RCAN2: variants seen among roughly 807,000 people sequenced by gnomAD.
RCAN2 encodes regulator of calcineurin 2.
In RCAN2, 9 loss-of-function variants were observed where a neutral mutation model predicts 23.6. That is an observed-to-expected ratio of 0.38 (90% CI 0.23 to 0.67). The LOEUF is 0.67. Ranked by LOEUF, RCAN2 falls within the 30% of genes least tolerant of loss-of-function variation. The pLI is 0.51. For synonymous variants in RCAN2, 109 were observed against 115.7 expected, an observed-to-expected ratio of 0.94 and a Z score of 0.37; for missense variants, 273 against 302.3, an observed-to-expected ratio of 0.90 and a Z score of 0.72.
intron 2 of RCAN2, among the ~76,000 whole-genome samples, chr6:46,342,293 G>A (rs1764345921): frequency 6.6e-6 from 1 of 152,116 alleles, no homozygotes; most frequent in Non-Finnish European, 1.5e-5. Flanking sequence ...GCATTTGGCT[G>A]GAGTTTTCTT....
At chr6:46,227,265 C>A (rs966077249) in intron 4 of RCAN2, among the ~76,000 whole-genome samples, 4 of 152,166 alleles carry the variant, frequency 2.6e-5, no homozygotes, top group African/African-American at 7.2e-5. Flanking sequence ...CGTTGTGTCT[C>A]TGCCAGGCTT....
intron 4 of RCAN2, among the ~76,000 whole-genome samples, chr6:46,239,845 T>A (rs1474542161): frequency 3.3e-5 from 5 of 152,168 alleles, no homozygotes; most frequent in Non-Finnish European, 7.4e-5. Context: ...AGATTTATCT[T>A]CAACCCTTCC....
intron 1 of RCAN2, among the ~76,000 whole-genome samples, chr6:46,471,513 A>G (rs1164030510): frequency 1.3e-5 from 2 of 152,220 alleles, no homozygotes; most frequent in African/African-American, 4.8e-5. Context: ...AGGACCTAGA[A>G]GCACAAAACT....
chr6:46,346,168 A>T (rs896441177), intron 2 of RCAN2, among the ~76,000 whole-genome samples: 1 of 152,158 alleles, frequency 6.6e-6, no homozygotes, highest in Non-Finnish European at 1.5e-5. Context: ...AGGAAATTTT[A>T]AAAATATTTT....
intron 2 of RCAN2, among the ~76,000 whole-genome samples, chr6:46,431,288 C>T (rs1767196231): frequency 6.6e-6 from 1 of 152,108 alleles, no homozygotes; most frequent in South Asian, 2.1e-4. Flanking sequence ...TCACTGCAGC[C>T]TCCACCTTCT....
intron 4 of RCAN2, among the ~76,000 whole-genome samples, chr6:46,225,798 C>A (rs1037777895): frequency 6.6e-6 from 1 of 152,192 alleles, no homozygotes; most frequent in South Asian, 2.1e-4. Context: ...AATTAGATCC[C>A]ATTTGTCAAT....
intron 1 of RCAN2, among the ~76,000 whole-genome samples, chr6:46,476,256 A>G (rs1768710499): frequency 1.3e-5 from 2 of 152,174 alleles, no homozygotes; most frequent in African/African-American, 4.8e-5. Context: ...TGATGTTTCC[A>G]TCCCACTAGG....
intron 1 of RCAN2, chr6:46,468,937 T>C: frequency 1.3e-6 from 1 of 745,564 alleles, no homozygotes; most frequent in Non-Finnish European, 1.6e-6. Flanking sequence ...AATTTGCTCT[T>C]GATCTGAAAG....
chr6:46,303,033 T>A (rs1299286022), intron 2 of RCAN2, among the ~76,000 whole-genome samples: 1 of 151,882 alleles, frequency 6.6e-6, no homozygotes. Context: ...AATGATTCAG[T>A]GAGGGGCAGA....
chr6:46,473,964 C>G (rs945281288), intron 1 of RCAN2, among the ~76,000 whole-genome samples: 1 of 152,168 alleles, frequency 6.6e-6, no homozygotes, highest in Non-Finnish European at 1.5e-5. Flanking sequence ...CCTGATTCCT[C>G]TTAGATGATT....
intron 2 of RCAN2, among the ~76,000 whole-genome samples, chr6:46,396,208 T>C (rs1201307710): frequency 6.6e-6 from 1 of 152,150 alleles, no homozygotes; most frequent in African/African-American, 2.4e-5. Context: ...TTTAGAATCA[T>C]TTTTATCGAC....
intron 4 of RCAN2, among the ~76,000 whole-genome samples, chr6:46,245,967 G>C (rs1183439029): frequency 6.6e-6 from 1 of 152,090 alleles, no homozygotes; most frequent in Admixed American, 6.5e-5. Context: ...AAAATACTTT[G>C]GGGCGCAAGG....
intron 2 of RCAN2, among the ~76,000 whole-genome samples, chr6:46,256,685 T>C (rs1357075635): frequency 3.3e-5 from 5 of 152,220 alleles, no homozygotes; most frequent in Non-Finnish European, 4.4e-5. Context: ...ATTATTTGTT[T>C]CTTATTTGTG....
intron 2 of RCAN2, among the ~76,000 whole-genome samples, chr6:46,263,025 G>A (rs1446536326): frequency 6.6e-6 from 1 of 152,170 alleles, no homozygotes; most frequent in Non-Finnish European, 1.5e-5. Context: ...TCATTAACTG[G>A]ATTACAAGAA....
chr6:46,415,485 T>C (rs752991045), intron 2 of RCAN2, among the ~76,000 whole-genome samples: 1 of 152,134 alleles, frequency 6.6e-6, no homozygotes, highest in Admixed American at 6.5e-5. Flanking sequence ...CAGGCCTCAG[T>C]AGCACATGTG....
intron 2 of RCAN2, among the ~76,000 whole-genome samples, chr6:46,327,303 G>A (rs1473417971): frequency 6.6e-6 from 1 of 151,968 alleles, no homozygotes; most frequent in Admixed American, 6.5e-5. Context: ...TCAAAGAAGG[G>A]GAGGAAATTT....
chr6:46,269,550 T>C (rs1438516990), intron 2 of RCAN2, among the ~76,000 whole-genome samples: 3 of 152,266 alleles, frequency 2.0e-5, no homozygotes, highest in Non-Finnish European at 4.4e-5. Context: ...TGTATCTTGC[T>C]GTTGGTTCTT....
At chr6:46,272,411 G>C (rs1302149136) in intron 2 of RCAN2, among the ~76,000 whole-genome samples, 1 of 152,064 alleles carries the variant, frequency 6.6e-6, no homozygotes, top group Non-Finnish European at 1.5e-5. Context: ...AAGTTATTGT[G>C]CTTCTTTAAA....
At chr6:46,339,744 T>C (rs1449182146) in intron 2 of RCAN2, among the ~76,000 whole-genome samples, 2 of 152,148 alleles carry the variant, frequency 1.3e-5, no homozygotes, top group South Asian at 2.1e-4. Flanking sequence ...GGGATCTTTG[T>C]ACTAAGTAAA....
Sources: gnomAD v4.1 joint callset for allele counts (sites outside exome capture counted in the v4.1 genomes callset) on GRCh38, gnomAD v4.1.1 for gene constraint, MANE v1.5 for transcripts, NCBI Gene and HGNC (gene_info 2026-07-23, HGNC 2026-07-21) for gene names.